Variants in PLCH1 observed in about 807,000 individuals in gnomAD.
PLCH1 encodes the protein 1-phosphatidylinositol 4,5-bisphosphate phosphodiesterase eta-1.
A neutral mutation model predicts 126.7 loss-of-function variants in PLCH1; 60 were observed. That is an observed-to-expected ratio of 0.47 (90% confidence interval 0.38 to 0.59). The LOEUF (loss-of-function observed/expected upper bound fraction) is 0.59. Among genes scored for constraint, PLCH1 ranks in the 20% least tolerant of loss-of-function variants. The probability of loss-of-function intolerance (pLI) is 0.00; values close to 1 mark genes in which losing one functional copy is unlikely to be tolerated. For missense variants in PLCH1, 1,723 were observed against 2,040.0 expected (o/e 0.84, Z 2.99); for synonymous variants, 719 against 734.9 (o/e 0.98, Z 0.35).
chr3:155,548,875 A>G (rs1041412710), intron 10 of PLCH1, among the ~76,000 whole-genome samples: 2 of 152,208 alleles, frequency 1.3e-5, no homozygotes, highest in African/African-American at 4.8e-5. Flanking sequence ...AATATGTTCC[A>G]TCTTTTCCAT....
intron 4 of PLCH1, among the ~76,000 whole-genome samples, chr3:155,590,183 A>G (rs1281677165): frequency 6.6e-6 from 1 of 152,164 alleles, no homozygotes; most frequent in Non-Finnish European, 1.5e-5. Context: ...CACAGTTGAA[A>G]TTTTCAGTCC....
chr3:155,590,586 A>AG (rs1332338835), intron 4 of PLCH1, among the ~76,000 whole-genome samples: 1 of 142,750 alleles, frequency 7.0e-6, no homozygotes, highest in Non-Finnish European at 1.5e-5. Context: ...TCAAAAAAAA[A>AG]AAAAATACAA....
intron 6 of PLCH1, among the ~76,000 whole-genome samples, chr3:155,582,552 A>G (rs1331319680): frequency 6.6e-6 from 1 of 152,188 alleles, no homozygotes; most frequent in Non-Finnish European, 1.5e-5. Flanking sequence ...AGAAAGAATT[A>G]TTTCTACTGA....
At chr3:155,465,219 C>A (rs1253118152) in intron 21 of PLCH1, among the ~76,000 whole-genome samples, 1 of 151,916 alleles carries the variant, frequency 6.6e-6, no homozygotes, top group East Asian at 1.9e-4. Context: ...CTCCTCAAGG[C>A]AGAGTTAACA....
intron 1 of PLCH1, among the ~76,000 whole-genome samples, chr3:155,738,586 A>C (rs574345092): frequency 4.3e-4 from 66 of 152,262 alleles, no homozygotes; most frequent in African/African-American, 1.5e-3. Flanking sequence ...GATCAAGACC[A>C]GCCTGGCTAA....
intron 2 of PLCH1, among the ~76,000 whole-genome samples, chr3:155,645,793 A>G (rs1739963571): frequency 6.6e-6 from 1 of 152,196 alleles, no homozygotes; most frequent in Non-Finnish European, 1.5e-5. Context: ...GACAATATGG[A>G]GAGCAGGTGG....
chr3:155,720,474 CA>C (rs1357767096), intron 1 of PLCH1, among the ~76,000 whole-genome samples: 3 of 152,122 alleles, frequency 2.0e-5, no homozygotes, highest in Non-Finnish European at 4.4e-5. Flanking sequence ...TCATTAGTGA[CA>C]GTGAGCATTT....
chr3:155,741,280 G>A (rs559619984), intron 1 of PLCH1, among the ~76,000 whole-genome samples: 67 of 152,304 alleles, frequency 4.4e-4, no homozygotes, highest in African/African-American at 1.5e-3. Context: ...CCCTGCTAGT[G>A]AGAAGAGAGA....
chr3:155,467,755 T>C (rs1359790096), intron 21 of PLCH1, among the ~76,000 whole-genome samples: 1 of 152,072 alleles, frequency 6.6e-6, no homozygotes, highest in Non-Finnish European at 1.5e-5. Flanking sequence ...CTGGCAAAAA[T>C]ATCTTTCAAA....
intron 11 of PLCH1, among the ~76,000 whole-genome samples, chr3:155,519,843 T>A (rs1188743744): frequency 6.6e-6 from 1 of 151,994 alleles, no homozygotes; most frequent in African/African-American, 2.4e-5. Flanking sequence ...CCCCCCAATT[T>A]TTTTTTCCTT....
At chr3:155,556,308 G>A (rs537568823) in intron 8 of PLCH1, among the ~76,000 whole-genome samples, 17 of 152,252 alleles carry the variant, frequency 1.1e-4, no homozygotes, top group South Asian at 6.2e-4. Flanking sequence ...AGTCGAGCTC[G>A]TGACATTGCA....
chr3:155,641,543 A>C (rs1739401845), intron 2 of PLCH1, among the ~76,000 whole-genome samples: 1 of 152,138 alleles, frequency 6.6e-6, no homozygotes, highest in Non-Finnish European at 1.5e-5. Flanking sequence ...CAATCTGCAA[A>C]AAAAGGATGT....
At chr3:155,539,581 ACAAATCAAT>A (rs1293067224) in intron 10 of PLCH1, among the ~76,000 whole-genome samples, 1 of 152,224 alleles carries the variant, frequency 6.6e-6, no homozygotes, top group East Asian at 1.9e-4. Context: ...ATCAACATAC[ACAAATCAAT>A]AGCACTGCTA....
At chr3:155,497,506 T>C in intron 14 of PLCH1, 89 bp from the exon 15 acceptor site, 1 of 918,270 alleles carries the variant, frequency 1.1e-6, no homozygotes, top group Middle Eastern at 2.2e-4. Flanking sequence ...TTTAAGACAA[T>C]GATTTAATAG....
intron 1 of PLCH1, among the ~76,000 whole-genome samples, chr3:155,724,552 A>G (rs1748172895): frequency 6.6e-6 from 1 of 152,142 alleles, no homozygotes; most frequent in African/African-American, 2.4e-5. Flanking sequence ...CTGATATAAC[A>G]GTAGCTACTC....
At chr3:155,457,353 C>T (rs1712474945) in intron 21 of PLCH1, 1 of 152,222 alleles carries the variant, frequency 6.6e-6, no homozygotes, top group South Asian at 2.1e-4. Flanking sequence ...TTCAAGTGCC[C>T]ATCATGTGCT....
In PLCH1 at chr3:155,504,562, T is replaced by G; in HGVS notation, c.1697A>C (p.Lys566Thr). The change falls in exon 13 of 23, where the codon AAA becomes ACA. Residue 566 changes from lysine to threonine, a missense_variant. This residue lies in a region of PLCH1 where 776 missense variants were observed against 1,062.9 expected (regional missense o/e 0.73). Transcript: ENST00000460012. ...ATTACTCTTAATTCATACCTTATGT[T>G]TTCCAAAGTTGGTCATGAGGGATCG... ...HGRSLMTNFG[K>T]HKKTTKSRSK... The G allele has an allele frequency of 6.3e-7, 1 of 1,588,498 alleles. No individual in the cohort carries two copies. Among genetic ancestry groups the G allele is most frequent in the Non-Finnish European group, 8.6e-7 (1 of 1,156,712 alleles).
intron 21 of PLCH1, among the ~76,000 whole-genome samples, chr3:155,452,595 C>T: frequency 6.6e-6 from 1 of 151,964 alleles, no homozygotes; most frequent in East Asian, 1.9e-4. Flanking sequence ...TTTAGGGTAC[C>T]TTTATGGCCA....
chr3:155,483,161 G>A, intron 22 of PLCH1, 110 bp from the exon 23 acceptor site: 1 of 1,067,880 alleles, frequency 9.4e-7, no homozygotes, highest in South Asian at 1.5e-5. Flanking sequence ...CTGTTACACT[G>A]TGACAGAATA....
Sources: allele counts gnomAD v4.1 joint callset (sites outside exome capture counted in the v4.1 genomes callset), GRCh38; gene constraint gnomAD v4.1.1; regional missense constraint gnomAD v4.1.1; transcripts MANE v1.5; gene names NCBI Gene and HGNC (gene_info 2026-07-23, HGNC 2026-07-21).